Variants in SHTN1 observed in about 807,000 individuals in gnomAD.
SHTN1 encodes the protein shootin-1.
A neutral mutation model predicts 83.1 loss-of-function variants in SHTN1; 42 were observed. The observed-to-expected ratio is 0.51, with a 90% CI of 0.39 to 0.65. The LOEUF (loss-of-function observed/expected upper bound fraction) is 0.65, where lower values mean the gene tolerates loss of function less well. Among genes scored for constraint, SHTN1 ranks in the 30% least tolerant of loss-of-function variants. SHTN1 has a pLI of 0.00. For synonymous variants in SHTN1, 224 were observed against 247.7 expected (o/e 0.90, Z 0.90); for missense variants, 622 against 737.8 (o/e 0.84, Z 1.82).
In SHTN1 at chr10:116,978,080, T is replaced by C. The variant is rs551900718; in HGVS notation, c.111+1176A>G. Among the ~76,000 whole-genome samples, 5 of 152,210 alleles carry C rather than the reference T, an allele frequency of 3.3e-5. No homozygotes were observed. The East Asian group carries it at 9.7e-4, about 29-fold the overall frequency. On this transcript the variant is annotated intron_variant, in intron 2 of 16. Coordinates refer to ENST00000355371, the MANE Select transcript of SHTN1 (RefSeq NM_001127211.3). ...ATTTCACAGAACACCAAGGATTTAT[T>C]TACAAATGAGCAAAGGAGCCTTAAA...
chr10:116,963,311 A>T (rs1282060514), intron 3 of SHTN1, among the ~76,000 whole-genome samples: 1 of 150,906 alleles, frequency 6.6e-6, no homozygotes, highest in Non-Finnish European at 1.5e-5. Context: ...TGACCTCGTG[A>T]TCCGCCCGCC....
Position 116,883,527 on chromosome 10 carries a change from G to A in SHTN1, c.*2817C>T, listed in dbSNP as rs1054777713. The A allele has an allele frequency of 6.6e-6, 1 of 152,184 alleles. No homozygotes were observed. Among genetic ancestry groups the A allele is most frequent in the Admixed American group, 6.5e-5 (1 of 15,282 alleles). The allele number at this position is 152,184 out of a possible 1,614,324, so 9.4% of individuals were successfully genotyped here. On this transcript the variant is annotated 3_prime_UTR_variant, in exon 17 of 17. Coordinates refer to ENST00000355371, the MANE Select transcript of SHTN1 (RefSeq NM_001127211.3). ...ATATAAGCTAATGTTGTTCCACAAC[G>A]AGTGTAACTGAACAGGTAGAGTATG...
chr10:116,942,249 G>A (rs1283466412), intron 8 of SHTN1, among the ~76,000 whole-genome samples: 2 of 150,570 alleles, frequency 1.3e-5, no homozygotes, highest in Non-Finnish European at 2.9e-5. Flanking sequence ...GTCTCGCTCT[G>A]GCACCCAGGC....
intron 16 of SHTN1, among the ~76,000 whole-genome samples, chr10:116,888,661 A>G (rs1847238872): frequency 6.6e-6 from 1 of 152,200 alleles, no homozygotes; most frequent in Non-Finnish European, 1.5e-5. Context: ...GAAAAGCTGG[A>G]GGAGGAGATG....
At chr10:116,914,364 T>C (rs548098674) in intron 13 of SHTN1, among the ~76,000 whole-genome samples, 8 of 151,754 alleles carry the variant, frequency 5.3e-5, no homozygotes, top group East Asian at 1.9e-4. Context: ...TCCAGCTACT[T>C]GGGAGGCTGA....
At chr10:116,922,092 A>C (rs1457062638) in intron 11 of SHTN1, among the ~76,000 whole-genome samples, 1 of 152,212 alleles carries the variant, frequency 6.6e-6, no homozygotes, top group Non-Finnish European at 1.5e-5. Flanking sequence ...ATGCAGAATA[A>C]AAAGACAAGG....
In SHTN1 at chr10:117,052,475, T is replaced by C. The variant is rs188082688; in HGVS notation, c.-188-3965A>G. Among the ~76,000 whole-genome samples, 244 of 151,904 alleles carry C rather than the reference T, an allele frequency of 1.6e-3. 2 individuals carry two copies. Among genetic ancestry groups the C allele is most frequent in the African/African-American group, 5.6e-3 (233 of 41,436 alleles). On this transcript the variant is annotated intron_variant, in intron 1 of 17. Coordinates refer to the SHTN1 transcript ENST00000392901. Reference sequence around the variant, plus strand: ...ACAGGACCCCAGATAGCCAAAACAATCTTGAATAAGAAAAACAAAGTTGGA... The same window carrying C: ...ACAGGACCCCAGATAGCCAAAACAACCTTGAATAAGAAAAACAAAGTTGGA...
In SHTN1 at chr10:116,886,202, T is replaced by C; in HGVS notation, c.*142A>G. On this transcript the variant is annotated 3_prime_UTR_variant, in exon 17 of 17. Transcript: ENST00000355371. ...CTTACTTATGTTTATAGTTGCTACTTACAAAAGTGACACCAGAAAAGAACC... is the reference window on the plus strand; with the variant it reads ...CTTACTTATGTTTATAGTTGCTACTCACAAAAGTGACACCAGAAAAGAACC... The C allele has an allele frequency of 5.9e-6, 7 of 1,190,978 alleles. No homozygotes were observed. Among genetic ancestry groups the C allele is most frequent in the Non-Finnish European group, 1.2e-6 (1 of 864,956 alleles). 73.8% of individuals were successfully genotyped at this position (1,190,978 alleles called of 1,614,324 possible). A position where few individuals can be genotyped will look rare whatever the true frequency, so the allele number is the denominator to read the frequency against.
intron 14 of SHTN1, among the ~76,000 whole-genome samples, chr10:116,907,270 C>T (rs779704800): frequency 5.3e-5 from 8 of 152,026 alleles, no homozygotes; most frequent in Non-Finnish European, 7.4e-5. Context: ...CTCCAGGGGC[C>T]GACCCAAAGA....
intron 1 of SHTN1, among the ~76,000 whole-genome samples, chr10:116,983,077 T>C (rs1186349510): frequency 2.0e-5 from 3 of 152,184 alleles, no homozygotes; most frequent in Non-Finnish European, 2.9e-5. Flanking sequence ...TATATTTCAC[T>C]GTACTATAAG....
At chr10:117,012,721 C>T (rs915507933) in intron 2 of SHTN1, among the ~76,000 whole-genome samples, 9 of 151,284 alleles carry the variant, frequency 5.9e-5, no homozygotes, top group East Asian at 3.9e-4. Context: ...ATGCCAAAAG[C>T]GTAATCAATA....
chr10:116,881,646 G>A lies in SHTN1; in HGVS notation c.*4698C>T, dbSNP rs868597373. On this transcript the variant is annotated 3_prime_UTR_variant, in exon 17 of 17. Transcript: ENST00000355371. Reference sequence around the variant, plus strand: ...CACACAAGGTGTAGAGGAATCAGCCGAAACAGGAGCATCCTCTGGATAGGG... The same window carrying A: ...CACACAAGGTGTAGAGGAATCAGCCAAAACAGGAGCATCCTCTGGATAGGG... 98 of 1,546,662 alleles carry A rather than the reference G, an allele frequency of 6.3e-5. No individual in the cohort carries two copies. Among genetic ancestry groups the A allele is most frequent in the Middle Eastern group, 1.7e-4 (1 of 5,998 alleles).
intron 1 of SHTN1, among the ~76,000 whole-genome samples, chr10:117,052,947 GAGGTGGAGCTTGCAGTGAGCCA>G (rs2133589779): frequency 7.5e-6 from 1 of 134,210 alleles, no homozygotes; most frequent in African/African-American, 2.7e-5. Flanking sequence ...GTGAACCTAG[GAGGTGGAGCTTGCAGTGAGCCA>G]AGATCATGCC....
chr10:117,064,380 G>T (rs1241956115), intron 1 of SHTN1, among the ~76,000 whole-genome samples: 1 of 152,198 alleles, frequency 6.6e-6, no homozygotes, highest in Non-Finnish European at 1.5e-5. Context: ...GTTCAGCCAG[G>T]CATGGTAGTT....
At chr10:117,033,699 T>C (rs557471093) in intron 2 of SHTN1, among the ~76,000 whole-genome samples, 77 of 140,644 alleles carry the variant, frequency 5.5e-4, no homozygotes, top group African/African-American at 1.6e-3. Context: ...TACCCTGATA[T>C]TGAAACCAGA....
At chr10:117,076,931 G>T (rs191173015) in intron 1 of SHTN1, among the ~76,000 whole-genome samples, 1 of 152,290 alleles carries the variant, frequency 6.6e-6, no homozygotes, top group African/African-American at 2.4e-5. Context: ...GTGTATAAAA[G>T]TTCATTAGTG....
At chr10:116,952,533 T>C (rs1188017574) in intron 5 of SHTN1, among the ~76,000 whole-genome samples, 1 of 152,238 alleles carries the variant, frequency 6.6e-6, no homozygotes, top group Non-Finnish European at 1.5e-5. Context: ...GGGTTAATTC[T>C]AGTAATTTTC....
chr10:116,905,127 G>A (rs1300158507), intron 15 of SHTN1, among the ~76,000 whole-genome samples: 3 of 151,350 alleles, frequency 2.0e-5, no homozygotes, highest in South Asian at 2.1e-4. Flanking sequence ...CGTTGAACCC[G>A]GGAAGCGGAG....
At chr10:117,009,676 G>A (rs1242365251), upstream of SHTN1, among the ~76,000 whole-genome samples, 1 of 152,066 alleles carries the variant, frequency 6.6e-6, no homozygotes, top group African/African-American at 2.4e-5. Flanking sequence ...AGGCCGAGAC[G>A]GGCAGATCAC....
Sources: allele counts gnomAD v4.1 joint callset (sites outside exome capture counted in the v4.1 genomes callset), GRCh38; gene constraint gnomAD v4.1.1; transcripts MANE v1.5; gene names NCBI Gene and HGNC (gene_info 2026-07-23, HGNC 2026-07-21).